The following COL24A1 variants were observed in gnomAD, a reference collection of about 807,000 sequenced individuals.
The protein encoded by COL24A1 is collagen type XXIV alpha 1 chain.
A neutral mutation model predicts 253.9 loss-of-function variants in COL24A1; 224 were observed. That is an observed-to-expected ratio of 0.88 (90% CI 0.79 to 0.99). COL24A1 has a LOEUF of 0.99. Ranked by LOEUF, COL24A1 falls within the 50% of genes least tolerant of loss-of-function variation. The pLI is 0.00. For synonymous variants in COL24A1, 685 were observed against 673.7 expected, an observed-to-expected ratio of 1.02 and a Z score of -0.26; for missense variants, 2,131 against 2,068.5, an observed-to-expected ratio of 1.03 and a Z score of -0.59.
intron 58 of COL24A1, 127 bp downstream of exon 58, chr1:85,737,269 C>T (rs1016443422): frequency 3.6e-6 from 2 of 561,146 alleles, no homozygotes; most frequent in East Asian, 3.1e-5. Context: ...TTCTCATACA[C>T]AATAGAGAAT....
At chr1:86,061,526 A>C (rs1206579242) in intron 8 of COL24A1, among the ~76,000 whole-genome samples, 1 of 152,108 alleles carries the variant, frequency 6.6e-6, no homozygotes, top group Non-Finnish European at 1.5e-5. Flanking sequence ...AGAGGGTGTT[A>C]AAGCAACATG....
chr1:86,020,061 CTTTTTTTTT>C (rs10582249), intron 18 of COL24A1, among the ~76,000 whole-genome samples: 22 of 102,594 alleles, frequency 2.1e-4, no homozygotes, highest in African/African-American at 6.3e-4. Context: ...TTCATTCTTT[CTTTTTTTTT>C]TTTTTTTTTT....
At chr1:85,864,743 C>G (rs928396151) in intron 37 of COL24A1, among the ~76,000 whole-genome samples, 2 of 152,020 alleles carry the variant, frequency 1.3e-5, no homozygotes, top group African/African-American at 4.8e-5. Flanking sequence ...AATATCATAC[C>G]ACCTTAAACA....
chr1:85,804,428 G>A (rs915020514), intron 47 of COL24A1, among the ~76,000 whole-genome samples: 1 of 152,096 alleles, frequency 6.6e-6, no homozygotes, highest in Non-Finnish European at 1.5e-5. Context: ...AGGAAAGAAG[G>A]AGAAATAAAC....
Position 85,949,799 on chromosome 1 carries a change from C to T in COL24A1, c.2562+11450G>A, listed in dbSNP as rs775526730. ...TACTATAAATTCAATGATCTCCTTA[C>T]GCTACAGGATACAATGTTAATGACT... On this transcript the variant is annotated intron_variant, in intron 24 of 59. Coordinates refer to ENST00000370571, the MANE Select transcript of COL24A1 (RefSeq NM_152890.7). Among the ~76,000 whole-genome samples, 16 of 152,206 alleles carry T rather than the reference C, an allele frequency of 1.1e-4. No homozygotes were observed. In the East Asian group the frequency reaches 1.3e-3, roughly 13 times the overall value.
intron 24 of COL24A1, among the ~76,000 whole-genome samples, chr1:85,960,258 A>C (rs1350502452): frequency 1.3e-5 from 2 of 152,216 alleles, no homozygotes; most frequent in Non-Finnish European, 2.9e-5. Flanking sequence ...ATTTTGTGAC[A>C]ATTAATTTAG....
At position 85,948,899 on chromosome 1, in the gene COL24A1, C is replaced by T. The variant is rs187511101; in HGVS notation, c.2562+12350G>A. Among the ~76,000 whole-genome samples, 166 of 151,946 alleles carry T rather than the reference C, an allele frequency of 1.1e-3. 1 individual carries two copies. Among genetic ancestry groups the T allele is most frequent in the African/African-American group, 3.7e-3 (154 of 41,506 alleles). ...CAAAATACTGGCAAGCTGAATCTAA[C>T]AGCCCATCAAAAAGAGATGTACAAC... On this transcript the variant is annotated intron_variant, in intron 24 of 59. Coordinates refer to ENST00000370571, the MANE Select transcript of COL24A1 (RefSeq NM_152890.7).
chr1:85,841,304 C>T (rs954751925), intron 41 of COL24A1, 26 bp from the exon 42 acceptor site: 4 of 1,508,348 alleles, frequency 2.7e-6, no homozygotes, highest in Non-Finnish European at 3.6e-6. Context: ...GATTTATAAA[C>T]AAAACTCAAT....
At chr1:85,775,648 A>G (rs1026945596) in intron 53 of COL24A1, 26 bp downstream of exon 53, 3 of 1,598,294 alleles carry the variant, frequency 1.9e-6, no homozygotes, top group South Asian at 1.1e-5. Flanking sequence ...CAGGGTTACT[A>G]TAATCACAAA....
At chr1:86,018,510 A>G (rs1697203010) in intron 18 of COL24A1, among the ~76,000 whole-genome samples, 1 of 152,228 alleles carries the variant, frequency 6.6e-6, no homozygotes, top group Non-Finnish European at 1.5e-5. Context: ...GGCAAAATCC[A>G]ACCACAAAGC....
chr1:86,003,871 A>G (rs1695678083), intron 19 of COL24A1, among the ~76,000 whole-genome samples: 1 of 152,182 alleles, frequency 6.6e-6, no homozygotes, highest in Admixed American at 6.5e-5. Flanking sequence ...GCCCTCACAC[A>G]TTAATGCCCA....
intron 43 of COL24A1, among the ~76,000 whole-genome samples, chr1:85,826,999 G>T (rs1369645778): frequency 2.6e-5 from 4 of 151,546 alleles, no homozygotes; most frequent in Non-Finnish European, 3.0e-5. Context: ...TCCCTGTCTT[G>T]TGCCAGTTTT....
At chr1:85,866,773 C>CATAA (rs568168214) in intron 37 of COL24A1, among the ~76,000 whole-genome samples, 122 of 152,068 alleles carry the variant, frequency 8.0e-4, no homozygotes, top group African/African-American at 2.2e-3. Context: ...GACTCTATCT[C>CATAA]ATAAATAAAT....
At chr1:85,791,127 G>A (rs1670227826) in intron 47 of COL24A1, among the ~76,000 whole-genome samples, 1 of 152,130 alleles carries the variant, frequency 6.6e-6, no homozygotes. Flanking sequence ...CACTGGTACA[G>A]CATCAACAAT....
intron 43 of COL24A1, among the ~76,000 whole-genome samples, chr1:85,826,875 G>A (rs1674419968): frequency 6.6e-6 from 1 of 152,140 alleles, no homozygotes; most frequent in Admixed American, 6.6e-5. Flanking sequence ...CTGCAAAGAG[G>A]GACAATTTGA....
intron 47 of COL24A1, among the ~76,000 whole-genome samples, chr1:85,793,186 G>C (rs1302818924): frequency 6.6e-6 from 1 of 151,830 alleles, no homozygotes; most frequent in East Asian, 1.9e-4. Flanking sequence ...TTTCTAAGTA[G>C]ATTTTCCTCA....
Position 85,896,047 on chromosome 1 carries a change from C to T in COL24A1, c.2851G>A (p.Gly951Arg). 6.2e-7 allele frequency: 1 copy of T among 1,612,294 alleles called. No individual in the cohort carries two copies. The highest frequency in any genetic ancestry group is 8.5e-7 in the Non-Finnish European group (1 of 1,179,466). ...QGAKGEKGDQ[G>R]KRGPHGLIGK... is the part of the protein sequence containing the mutation. ...ATAAGACCATGAGGCCCTCTTTTTC[C>T]TTGATCTCCTTTTTCACCCTAACAA... Residue 951 changes from glycine (G) to arginine (R), a missense_variant, in exon 30 of 60, where the codon GGA becomes AGA. By Grantham distance (125) the Gly-to-Arg change is moderately radical (BLOSUM62 -2). Coordinates refer to ENST00000370571, the MANE Select transcript of COL24A1 (RefSeq NM_152890.7).
intron 37 of COL24A1, among the ~76,000 whole-genome samples, chr1:85,867,848 G>A (rs1316263538): frequency 5.3e-5 from 8 of 152,064 alleles, no homozygotes; most frequent in African/African-American, 7.2e-5. Flanking sequence ...GGGTTCAAGC[G>A]ATTCTCCTGC....
rs1688437423 is a variant in COL24A1 at position 85,938,543 on chromosome 1, A to T, written c.2562+22706T>A. Among the ~76,000 whole-genome samples, 3 of 146,512 alleles carry T rather than the reference A, an allele frequency of 2.0e-5. 1 individual carries two copies. The highest frequency in any genetic ancestry group is 1.4e-4 in the Admixed American group (2 of 14,506). ...TGCAGTGCTAGGGGCTGTAATTTGTATGACTGATTCCTCTTCTAAGCTTCC... is the reference window on the plus strand; with the variant it reads ...TGCAGTGCTAGGGGCTGTAATTTGTTTGACTGATTCCTCTTCTAAGCTTCC... On this transcript the variant is annotated intron_variant, in intron 24 of 59. Coordinates refer to ENST00000370571, the MANE Select transcript of COL24A1 (RefSeq NM_152890.7).
Sources: allele counts gnomAD v4.1 joint callset (sites outside exome capture counted in the v4.1 genomes callset), GRCh38; gene constraint gnomAD v4.1.1; transcripts MANE v1.5; gene names NCBI Gene and HGNC (gene_info 2026-07-23, HGNC 2026-07-21).